PCSK2: variants seen among roughly 807,000 people sequenced by gnomAD.
PCSK2 encodes neuroendocrine convertase 2.
Under a neutral mutation model 69.7 loss-of-function variants are expected in PCSK2, and 14 were observed. The observed-to-expected ratio is 0.20, with a 90% confidence interval of 0.13 to 0.31. The LOEUF (loss-of-function observed/expected upper bound fraction) is 0.31. Ranked by LOEUF, PCSK2 falls within the 10% of genes least tolerant of loss-of-function variation. PCSK2 has a pLI of 1.00. For synonymous variants in PCSK2, 307 were observed against 320.7 expected (o/e 0.96, Z 0.46); for missense variants, 544 against 842.5 (o/e 0.65, Z 4.39).
At chr20:17,360,373 G>T (rs1449880531) in intron 3 of PCSK2, among the ~76,000 whole-genome samples, 159 bp from the exon 4 acceptor site, 1 of 152,144 alleles carries the variant, frequency 6.6e-6, no homozygotes, top group Non-Finnish European at 1.5e-5. Context: ...CTATAGGTAG[G>T]TTGGGAGGGA....
At chr20:17,421,464 C>T (rs6080690) in intron 6 of PCSK2, among the ~76,000 whole-genome samples, 96,229 of 151,940 alleles carry the variant, frequency 0.63, 30,736 homozygotes, top group Middle Eastern at 0.74. Flanking sequence ...ACGTGGTCGA[C>T]GCCAAACTAG....
In PCSK2 at chr20:17,239,051, G is replaced by C. The variant is rs776286178; in HGVS notation, c.177+11569G>C. ...CCAAGTATGCTAGGAAGGGTTATAG[G>C]AACATCCTATTTAGTGCCTGTGTTA... On this transcript the variant is annotated intron_variant, in intron 1 of 11. Transcript: ENST00000262545. Among the ~76,000 whole-genome samples, 4 of 152,156 alleles carry C rather than the reference G, an allele frequency of 2.6e-5. 1 individual carries two copies. Among genetic ancestry groups the C allele is most frequent in the Admixed American group, 2.0e-4 (3 of 15,270 alleles).
intron 10 of PCSK2, among the ~76,000 whole-genome samples, chr20:17,462,532 C>T (rs2033030525): frequency 6.6e-6 from 1 of 152,196 alleles, no homozygotes; most frequent in Admixed American, 6.5e-5. Context: ...ACTGATGCCT[C>T]CCTCAGCATC....
chr20:17,247,756 G>C (rs1284700596), intron 1 of PCSK2, among the ~76,000 whole-genome samples: 1 of 152,210 alleles, frequency 6.6e-6, no homozygotes, highest in Non-Finnish European at 1.5e-5. Flanking sequence ...GATTCCCTAA[G>C]GGAAGAGAAC....
At chr20:17,446,598 A>G (rs1469854063) in intron 8 of PCSK2, among the ~76,000 whole-genome samples, 1 of 152,230 alleles carries the variant, frequency 6.6e-6, no homozygotes, top group Non-Finnish European at 1.5e-5. Context: ...TAGGTAGCTC[A>G]AGAGGTAACC....
chr20:17,361,577 T>A (rs2030397651), intron 4 of PCSK2, among the ~76,000 whole-genome samples: 1 of 152,182 alleles, frequency 6.6e-6, no homozygotes, highest in African/African-American at 2.4e-5. Context: ...GATGAAACAG[T>A]TGAGCCTTTC....
intron 2 of PCSK2, among the ~76,000 whole-genome samples, chr20:17,339,087 G>A (rs1990436146): frequency 6.6e-6 from 1 of 152,132 alleles, no homozygotes; most frequent in Non-Finnish European, 1.5e-5. Flanking sequence ...CCCTCCCCTA[G>A]AAAGCTTCTT....
chr20:17,337,669 T>A (rs1990392215), intron 2 of PCSK2, among the ~76,000 whole-genome samples: 1 of 152,102 alleles, frequency 6.6e-6, no homozygotes, highest in African/African-American at 2.4e-5. Flanking sequence ...CTCAGGCCCG[T>A]ATCACAACAT....
At chr20:17,272,078 C>A (rs758155894) in intron 2 of PCSK2, among the ~76,000 whole-genome samples, 1 of 152,128 alleles carries the variant, frequency 6.6e-6, no homozygotes, top group Non-Finnish European at 1.5e-5. Context: ...CATGTGAGAA[C>A]CCTTCAAACA....
intron 6 of PCSK2, among the ~76,000 whole-genome samples, chr20:17,414,624 C>T (rs747562313): frequency 6.6e-5 from 10 of 152,182 alleles, no homozygotes; most frequent in Non-Finnish European, 1.0e-4. Context: ...GAGCGGTTAC[C>T]GTTCCTTGTG....
rs114128963 is a variant in PCSK2, at chr20:17,353,576, C to T, written c.283-4751C>T. On this transcript the variant is annotated intron_variant, in intron 2 of 11. Coordinates refer to ENST00000262545, the MANE Select transcript of PCSK2 (RefSeq NM_002594.5). ...AAATCAATTCAGCCACTGTGAAAAG[C>T]ATTTTGGAGATTTCTCAAAGAACCT... 5.4e-3 allele frequency among the ~76,000 whole-genome samples: 814 copies of T among 152,026 alleles called. 6 individuals are homozygous for T. The highest frequency in any genetic ancestry group is 0.019 in the African/African-American group (774 of 41,454).
At chr20:17,348,654 C>A (rs933733894) in intron 2 of PCSK2, among the ~76,000 whole-genome samples, 10 of 152,176 alleles carry the variant, frequency 6.6e-5, no homozygotes, top group African/African-American at 2.4e-4. Flanking sequence ...AAGGTGTCAT[C>A]AGGGTTGGTT....
chr20:17,264,873 T>C (rs1049056403), intron 2 of PCSK2, among the ~76,000 whole-genome samples: 3 of 152,122 alleles, frequency 2.0e-5, no homozygotes, highest in Non-Finnish European at 2.9e-5. Context: ...TCTTTCTTTT[T>C]TTTTTCCTGA....
intron 6 of PCSK2, among the ~76,000 whole-genome samples, chr20:17,424,548 A>G (rs1046708192): frequency 2.0e-5 from 3 of 152,128 alleles, no homozygotes; most frequent in Non-Finnish European, 4.4e-5. Flanking sequence ...GCTGGAGTGC[A>G]GTGGCTCCGT....
At chr20:17,389,189 T>C (rs114683442) in intron 5 of PCSK2, among the ~76,000 whole-genome samples, 2,251 of 150,988 alleles carry the variant, frequency 0.015, 59 homozygotes, top group African/African-American at 0.052. Flanking sequence ...ACTTGCCATA[T>C]AAATAAGACA....
At chr20:17,420,405 C>T (rs1382526285) in intron 6 of PCSK2, among the ~76,000 whole-genome samples, 2 of 152,162 alleles carry the variant, frequency 1.3e-5, no homozygotes, top group Non-Finnish European at 2.9e-5. Context: ...CCTCATCAGT[C>T]GATATTAGCT....
chr20:17,397,348 A>C (rs1202044408), intron 5 of PCSK2, among the ~76,000 whole-genome samples: 1 of 152,224 alleles, frequency 6.6e-6, no homozygotes. Flanking sequence ...AGCAGGAGTC[A>C]AAAATAATTC....
At chr20:17,422,427 A>C (rs2032152237) in intron 6 of PCSK2, among the ~76,000 whole-genome samples, 1 of 152,224 alleles carries the variant, frequency 6.6e-6, no homozygotes, top group Admixed American at 6.5e-5. Context: ...GTCCTAAATA[A>C]ATAGAGTGGC....
chr20:17,461,542 T>C (rs2033014445), intron 10 of PCSK2, among the ~76,000 whole-genome samples: 1 of 152,220 alleles, frequency 6.6e-6, no homozygotes, highest in South Asian at 2.1e-4. Context: ...CCTGTTGACT[T>C]CTAGAATTTA....
Sources: gnomAD v4.1 joint callset for allele counts (sites outside exome capture counted in the v4.1 genomes callset) on GRCh38, gnomAD v4.1.1 for gene constraint, MANE v1.5 for transcripts, NCBI Gene and HGNC (gene_info 2026-07-23, HGNC 2026-07-21) for gene names.